The following UBE3D variants were observed in gnomAD, a reference collection of about 807,000 sequenced individuals.
UBE3D encodes ubiquitin protein ligase E3D.
UBE3D carries 48 observed loss-of-function variants against 49.6 expected under a neutral mutation model. The ratio of observed to expected loss-of-function variants is 0.97; its 90% CI spans 0.77 to 1.23. UBE3D has a LOEUF of 1.23. Among genes scored for constraint, UBE3D ranks in the 50% most tolerant of loss-of-function variants. UBE3D has a pLI of 0.00. For missense variants in UBE3D, 452 were observed against 468.4 expected, an observed-to-expected ratio of 0.96 and a Z score of 0.32; for synonymous variants, 189 against 174.2, an observed-to-expected ratio of 1.08 and a Z score of -0.67.
chr6:82,924,932 G>A (rs185522649), intron 9 of UBE3D: 1 of 152,200 alleles, frequency 6.6e-6, no homozygotes, highest in East Asian at 1.9e-4. Flanking sequence ...TATCTGCTGG[G>A]CCTAAATGAG....
At chr6:83,045,484 T>C (rs1317585142) in intron 3 of UBE3D, among the ~76,000 whole-genome samples, 1 of 152,186 alleles carries the variant, frequency 6.6e-6, no homozygotes, top group African/African-American at 2.4e-5. Context: ...ATGTTCTTAT[T>C]AATTTGTAAA....
intron 8 of UBE3D, among the ~76,000 whole-genome samples, chr6:83,003,577 T>C (rs1221158846): frequency 1.3e-5 from 2 of 152,188 alleles, no homozygotes; most frequent in African/African-American, 4.8e-5. Context: ...AATTTTGTCT[T>C]TGTGTGAACA....
intron 9 of UBE3D, among the ~76,000 whole-genome samples, chr6:82,952,238 T>C (rs1775854719): frequency 6.6e-6 from 1 of 152,198 alleles, no homozygotes; most frequent in African/African-American, 2.4e-5. Flanking sequence ...TGTGTGAGCT[T>C]GGGAATGTTG....
At chr6:83,063,427 A>G (rs572491189) in intron 1 of UBE3D, among the ~76,000 whole-genome samples, 3,467 of 150,336 alleles carry the variant, frequency 0.023, 44 homozygotes, top group African/African-American at 0.035. Flanking sequence ...AAAAAAAAAA[A>G]AAAAAAAAAA....
intron 8 of UBE3D, among the ~76,000 whole-genome samples, chr6:82,959,785 T>C (rs73749482): frequency 6.7e-6 from 1 of 150,130 alleles, no homozygotes; most frequent in Admixed American, 6.6e-5. Flanking sequence ...GCCTGCCTTT[T>C]ACACACCAGT....
At chr6:83,023,592 A>T (rs1781250648) in intron 6 of UBE3D, among the ~76,000 whole-genome samples, 1 of 152,260 alleles carries the variant, frequency 6.6e-6, no homozygotes, top group South Asian at 2.1e-4. Context: ...AGCATCCTGG[A>T]TGTAACTGGA....
intron 9 of UBE3D, chr6:82,925,236 C>G (rs570722978): frequency 1.3e-5 from 2 of 152,198 alleles, no homozygotes; most frequent in Admixed American, 1.3e-4. Context: ...GAATATAAAC[C>G]AAAGTCACCT....
chr6:82,963,609 A>G (rs1776708091), intron 8 of UBE3D, among the ~76,000 whole-genome samples: 2 of 152,132 alleles, frequency 1.3e-5, no homozygotes, highest in South Asian at 2.1e-4. Flanking sequence ...GGCTAAGTCA[A>G]TTTAGCCTTT....
At chr6:83,059,114 G>C (rs886591303) in intron 1 of UBE3D, among the ~76,000 whole-genome samples, 1 of 152,118 alleles carries the variant, frequency 6.6e-6, no homozygotes, top group African/African-American at 2.4e-5. Context: ...GGTCGAGGTA[G>C]CTCACTCCTC....
intron 8 of UBE3D, among the ~76,000 whole-genome samples, chr6:82,959,218 C>G (rs1277802459): frequency 3.3e-5 from 5 of 150,492 alleles, no homozygotes; most frequent in Admixed American, 3.3e-4. Flanking sequence ...AGACCCCTAA[C>G]TGTTTTTAAA....
intron 9 of UBE3D, among the ~76,000 whole-genome samples, chr6:82,905,950 G>T (rs999152283): frequency 2.0e-5 from 3 of 152,138 alleles, no homozygotes; most frequent in Non-Finnish European, 4.4e-5. Context: ...CCAAATCCCT[G>T]CCACAGACCT....
At chr6:82,936,452 C>T (rs549611803) in intron 9 of UBE3D, among the ~76,000 whole-genome samples, 1 of 150,994 alleles carries the variant, frequency 6.6e-6, no homozygotes, top group East Asian at 1.9e-4. Flanking sequence ...TTACTACCAG[C>T]AGGAAGAGAA....
chr6:82,942,500 C>T (rs1319464563), intron 9 of UBE3D, among the ~76,000 whole-genome samples: 1 of 152,188 alleles, frequency 6.6e-6, no homozygotes, highest in South Asian at 2.1e-4. Context: ...CAGGGCAGCC[C>T]CTCCCATCAC....
At chr6:83,058,979 T>A (rs1783991042) in intron 1 of UBE3D, among the ~76,000 whole-genome samples, 1 of 152,212 alleles carries the variant, frequency 6.6e-6, no homozygotes, top group South Asian at 2.1e-4. Context: ...TCAGCAACTT[T>A]ATTTCTGTGA....
At chr6:82,999,559 A>G (rs1227353503) in intron 8 of UBE3D, among the ~76,000 whole-genome samples, 1 of 151,944 alleles carries the variant, frequency 6.6e-6, no homozygotes, top group East Asian at 1.9e-4. Context: ...TAATTTTTGG[A>G]TTTTTAGTAG....
chr6:83,006,584 A>G (rs1002579204), intron 8 of UBE3D, among the ~76,000 whole-genome samples: 4 of 152,044 alleles, frequency 2.6e-5, no homozygotes, highest in Admixed American at 1.3e-4. Flanking sequence ...CGAGAAACCA[A>G]CCCTTGATCT....
chr6:82,996,954 A>G (rs1172841142), intron 8 of UBE3D, among the ~76,000 whole-genome samples: 1 of 152,206 alleles, frequency 6.6e-6, no homozygotes, highest in African/African-American at 2.4e-5. Context: ...AGTTAATAGC[A>G]GTGCACCAAT....
At chr6:82,931,236 T>A (rs1314857812) in intron 9 of UBE3D, among the ~76,000 whole-genome samples, 3 of 152,238 alleles carry the variant, frequency 2.0e-5, no homozygotes, top group African/African-American at 7.2e-5. Flanking sequence ...TGGAAGTGCC[T>A]GGAAATCCAG....
At chr6:82,912,809 G>A (rs903133988) in intron 9 of UBE3D, among the ~76,000 whole-genome samples, 2 of 152,144 alleles carry the variant, frequency 1.3e-5, no homozygotes, top group African/African-American at 4.8e-5. Flanking sequence ...CCTCCAATGT[G>A]TCAGGCAATA....
Sources: allele counts gnomAD v4.1 joint callset (sites outside exome capture counted in the v4.1 genomes callset), GRCh38; gene constraint gnomAD v4.1.1; transcripts MANE v1.5; gene names NCBI Gene and HGNC (gene_info 2026-07-23, HGNC 2026-07-21).